MFHAS1: variants seen among roughly 807,000 people sequenced by gnomAD.
The protein encoded by MFHAS1 is multifunctional ROCO family signaling regulator 1.
Under a neutral mutation model 70.4 loss-of-function variants are expected in MFHAS1, and 50 were observed. The ratio of observed to expected loss-of-function variants is 0.71; its 90% CI spans 0.57 to 0.90. MFHAS1 has a LOEUF of 0.90. Among genes scored for constraint, MFHAS1 ranks in the 40% least tolerant of loss-of-function variants. The pLI is 0.00. For synonymous variants in MFHAS1, 952 were observed against 620.0 expected (o/e 1.54, Z -7.96); for missense variants, 1,795 against 1,347.6 (o/e 1.33, Z -5.20).
At chr8:8,787,525 A>G (rs960976440) in intron 2 of MFHAS1, among the ~76,000 whole-genome samples, 4 of 152,358 alleles carry the variant, frequency 2.6e-5, no homozygotes, top group Admixed American at 2.6e-4. Flanking sequence ...TTGGAGCCCT[A>G]GGAAAGAGTT....
chr8:8,889,256 C>T (rs75054311), intron 1 of MFHAS1, among the ~76,000 whole-genome samples: 1 of 152,150 alleles, frequency 6.6e-6, no homozygotes, highest in African/African-American at 2.4e-5. Flanking sequence ...AAACTCGAAA[C>T]TGCCAGGAAA....
chr8:8,840,656 G>A (rs778395749), intron 1 of MFHAS1, among the ~76,000 whole-genome samples: 12 of 152,042 alleles, frequency 7.9e-5, no homozygotes, highest in Non-Finnish European at 1.3e-4. Flanking sequence ...CTTTTAAGAT[G>A]GATGATCACT....
At chr8:8,832,054 GCGCGCGCGCACACACA>G (rs1807412848) in intron 1 of MFHAS1, among the ~76,000 whole-genome samples, 2 of 112,604 alleles carry the variant, frequency 1.8e-5, no homozygotes, top group South Asian at 5.2e-4. Context: ...ATGCACGCGC[GCGCGCGCGCACACACA>G]CACACACACA....
intron 1 of MFHAS1, among the ~76,000 whole-genome samples, chr8:8,809,125 C>G (rs1240815144): frequency 1.3e-5 from 2 of 152,186 alleles, no homozygotes; most frequent in Non-Finnish European, 2.9e-5. Context: ...TGATTTGTCA[C>G]TCCCATCACC....
intron 1 of MFHAS1, among the ~76,000 whole-genome samples, chr8:8,817,153 G>A (rs185255844): frequency 6.5e-4 from 99 of 152,048 alleles, no homozygotes; most frequent in African/African-American, 2.2e-3. Context: ...GCTCCAAAGA[G>A]CACCATCCTC....
chr8:8,789,242 T>C (rs1383594768), intron 2 of MFHAS1, among the ~76,000 whole-genome samples: 1 of 152,084 alleles, frequency 6.6e-6, no homozygotes, highest in African/African-American at 2.4e-5. Flanking sequence ...TGTTGGAGAA[T>C]TACTACATAT....
intron 1 of MFHAS1, among the ~76,000 whole-genome samples, chr8:8,882,554 G>C (rs1360732366): frequency 2.0e-5 from 3 of 152,194 alleles, no homozygotes; most frequent in Admixed American, 2.0e-4. Flanking sequence ...AGACGTTGCA[G>C]TGAGCTGAGA....
chr8:8,818,278 C>G (rs1408120156), intron 1 of MFHAS1, among the ~76,000 whole-genome samples: 1 of 152,086 alleles, frequency 6.6e-6, no homozygotes, highest in African/African-American at 2.4e-5. Context: ...CTCTGCACAC[C>G]CTACAACCTT....
chr8:8,829,406 C>A (rs1036828236), intron 1 of MFHAS1, among the ~76,000 whole-genome samples: 16 of 152,356 alleles, frequency 1.1e-4, no homozygotes, highest in Admixed American at 9.1e-4. Context: ...ATCTGTCCAG[C>A]GCCATGGCCC....
chr8:8,858,751 G>A (rs1277404535), intron 1 of MFHAS1, among the ~76,000 whole-genome samples: 3 of 152,056 alleles, frequency 2.0e-5, no homozygotes, highest in African/African-American at 7.2e-5. Context: ...CCAGCCCTCC[G>A]TATGCACAGG....
intron 1 of MFHAS1, among the ~76,000 whole-genome samples, chr8:8,832,761 C>A (rs1339853439): frequency 6.6e-6 from 1 of 151,414 alleles, no homozygotes; most frequent in Non-Finnish European, 1.5e-5. Flanking sequence ...CCTGACTCGC[C>A]GAGACTACAG....
chr8:8,795,633 C>T (rs1401954888), intron 2 of MFHAS1, among the ~76,000 whole-genome samples: 1 of 152,218 alleles, frequency 6.6e-6, no homozygotes, highest in Non-Finnish European at 1.5e-5. Context: ...AGAAACGGGG[C>T]ACTGAGCCGA....
chr8:8,866,074 A>G (rs997938116), intron 1 of MFHAS1, among the ~76,000 whole-genome samples: 2 of 152,202 alleles, frequency 1.3e-5, no homozygotes, highest in South Asian at 4.1e-4. Flanking sequence ...CAATTTTTAG[A>G]AAGCTCTACT....
At chr8:8,865,923 C>T (rs935171110) in intron 1 of MFHAS1, among the ~76,000 whole-genome samples, 5 of 152,184 alleles carry the variant, frequency 3.3e-5, no homozygotes, top group Non-Finnish European at 5.9e-5. Context: ...AATGACTGTC[C>T]TCCACACCTC....
At chr8:8,852,917 C>T (rs900895989) in intron 1 of MFHAS1, among the ~76,000 whole-genome samples, 3 of 152,160 alleles carry the variant, frequency 2.0e-5, no homozygotes. Flanking sequence ...TACTTAAAGT[C>T]AGAAGTGATT....
chr8:8,809,557 C>G (rs558223443), intron 1 of MFHAS1, among the ~76,000 whole-genome samples: 1 of 152,206 alleles, frequency 6.6e-6, no homozygotes. Context: ...CCTGCAGACG[C>G]GTGTGCCACT....
intron 1 of MFHAS1, among the ~76,000 whole-genome samples, chr8:8,884,055 CACACACACACACACACACACACACACAA>C (rs1435324302): frequency 9.5e-4 from 87 of 91,846 alleles, no homozygotes; most frequent in African/African-American, 5.5e-3. Flanking sequence ...CACACACACA[CACACACACACACACACACACACACACAA>C]AAAGAAAAAA....
chr8:8,811,562 G>A (rs1469471033), intron 1 of MFHAS1, among the ~76,000 whole-genome samples: 2 of 152,200 alleles, frequency 1.3e-5, no homozygotes, highest in Non-Finnish European at 2.9e-5. Context: ...ACCGGCGTGA[G>A]CCGCCATGCC....
At chr8:8,851,437 A>G (rs1808244251) in intron 1 of MFHAS1, among the ~76,000 whole-genome samples, 1 of 152,194 alleles carries the variant, frequency 6.6e-6, no homozygotes, top group African/African-American at 2.4e-5. Context: ...TCAGGGAAAT[A>G]CTCTTAAAAG....
Sources: gnomAD v4.1 joint callset for allele counts (sites outside exome capture counted in the v4.1 genomes callset) on GRCh38, gnomAD v4.1.1 for gene constraint, MANE v1.5 for transcripts, NCBI Gene and HGNC (gene_info 2026-07-23, HGNC 2026-07-21) for gene names.